UBASH3B: variants seen among roughly 807,000 people sequenced by gnomAD.
UBASH3B encodes ubiquitin associated and SH3 domain containing B, also known as ubiquitin-associated and SH3 domain-containing protein B.
In UBASH3B, 37 loss-of-function variants were observed where a neutral mutation model predicts 83.4. The observed-to-expected ratio is 0.44, with a 90% CI of 0.34 to 0.58. The LOEUF is 0.58. Among genes scored for constraint, UBASH3B ranks in the 20% least tolerant of loss-of-function variants. The probability of loss-of-function intolerance (pLI) is 0.01; values close to 1 mark genes in which losing one functional copy is unlikely to be tolerated. For synonymous variants in UBASH3B, 304 were observed against 318.3 expected (o/e 0.96, Z 0.48); for missense variants, 657 against 827.2 (o/e 0.79, Z 2.52).
intron 1 of UBASH3B, among the ~76,000 whole-genome samples, chr11:122,666,968 A>G (rs886444682): frequency 6.6e-6 from 1 of 151,600 alleles, no homozygotes; most frequent in African/African-American, 2.4e-5. Flanking sequence ...ATCACCTATG[A>G]AGATGCACAG....
chr11:122,699,097 G>A (rs1001318468), intron 1 of UBASH3B, among the ~76,000 whole-genome samples: 3 of 152,206 alleles, frequency 2.0e-5, no homozygotes, highest in Non-Finnish European at 4.4e-5. Flanking sequence ...TGATCCACCT[G>A]CCTTGGCCTC....
At chr11:122,795,868 G>C (rs1276831810) in intron 7 of UBASH3B, among the ~76,000 whole-genome samples, 1 of 152,180 alleles carries the variant, frequency 6.6e-6, no homozygotes, top group Non-Finnish European at 1.5e-5. Flanking sequence ...TAAAGTGGAC[G>C]TCATATTTTA....
intron 1 of UBASH3B, among the ~76,000 whole-genome samples, chr11:122,753,826 A>G (rs1051806752): frequency 6.6e-6 from 1 of 152,118 alleles, no homozygotes; most frequent in South Asian, 2.1e-4. Flanking sequence ...AACCTGCTGC[A>G]TAATTTTGAA....
rs555184676 is a variant in UBASH3B at position 122,706,739 on chromosome 11, T to C, written c.161+50529T>C. ...GGAGTACCAAGAAGAAACATATATG[T>C]ACGCAATCACATACTGAAAAGGGAA... On this transcript the variant is annotated intron_variant, in intron 1 of 13. Coordinates refer to ENST00000284273, the MANE Select transcript of UBASH3B (RefSeq NM_032873.5). Among the ~76,000 whole-genome samples, 5 of 152,322 alleles carry C rather than the reference T, an allele frequency of 3.3e-5. No individual in the cohort carries two copies. In the South Asian group the frequency reaches 1.0e-3, roughly 32 times the overall value.
chr11:122,731,280 A>G (rs1860839751), intron 1 of UBASH3B, among the ~76,000 whole-genome samples: 1 of 152,138 alleles, frequency 6.6e-6, no homozygotes, highest in Non-Finnish European at 1.5e-5. Context: ...TCACAATCTC[A>G]TGGATGGAAG....
intron 1 of UBASH3B, among the ~76,000 whole-genome samples, chr11:122,688,423 C>T (rs1277263869): frequency 2.0e-5 from 3 of 148,910 alleles, no homozygotes; most frequent in Non-Finnish European, 4.4e-5. Flanking sequence ...GCCACCACAC[C>T]GCTAATTTTG....
At chr11:122,724,061 C>T (rs957076246) in intron 1 of UBASH3B, among the ~76,000 whole-genome samples, 4 of 152,180 alleles carry the variant, frequency 2.6e-5, no homozygotes, top group Non-Finnish European at 5.9e-5. Context: ...GAAATTGGAA[C>T]CTGGAGGACC....
At chr11:122,696,988 G>A (rs1432131612) in intron 1 of UBASH3B, among the ~76,000 whole-genome samples, 1 of 152,142 alleles carries the variant, frequency 6.6e-6, no homozygotes, top group Non-Finnish European at 1.5e-5. Flanking sequence ...ACCAGGAGTT[G>A]GTGACTCCAG....
chr11:122,717,133 CT>C (rs1430835726), intron 1 of UBASH3B, among the ~76,000 whole-genome samples: 2 of 152,196 alleles, frequency 1.3e-5, no homozygotes, highest in African/African-American at 4.8e-5. Flanking sequence ...ACAGAGATCC[CT>C]GTCCTCTCGC....
chr11:122,723,346 T>C (rs1298049734), intron 1 of UBASH3B, among the ~76,000 whole-genome samples: 1 of 152,230 alleles, frequency 6.6e-6, no homozygotes, highest in African/African-American at 2.4e-5. Context: ...CCTAAGTCCT[T>C]AAGTTAGTGA....
chr11:122,741,298 T>G (rs559774595), intron 1 of UBASH3B, among the ~76,000 whole-genome samples: 1 of 152,220 alleles, frequency 6.6e-6, no homozygotes, highest in Non-Finnish European at 1.5e-5. Flanking sequence ...AAATTTTCAA[T>G]TGGATCTTAA....
chr11:122,658,083 A>G (rs1421852303), intron 1 of UBASH3B, among the ~76,000 whole-genome samples: 1 of 151,558 alleles, frequency 6.6e-6, no homozygotes, highest in Non-Finnish European at 1.5e-5. Flanking sequence ...GGCTGAGATA[A>G]GAGAATCGCT....
In UBASH3B at chr11:122,809,858, A is replaced by G; in HGVS notation, c.1922A>G (p.Asn641Ser). ...ACCCATGGACCAACTGGGGGCTTCA[A>G]CTGGAGAGAGACCTTGCTTCAAGAA... Reference protein sequence around the residue: ...PLTHGPTGGFNWRETLLQE With the variant: ...PLTHGPTGGFSWRETLLQE Residue 641 changes from asparagine to serine, a missense_variant, in exon 14 of 14, where the codon AAC (asparagine) becomes AGC (serine). Around this residue, in one of 3 missense-constraint regions of UBASH3B, gnomAD observed 573 missense variants for 739.0 expected, o/e 0.78. Transcript: ENST00000284273. 6.2e-7 allele frequency: 1 copy of G among 1,614,186 alleles called. No homozygotes were observed. Among genetic ancestry groups the G allele is most frequent in the Non-Finnish European group, 8.5e-7 (1 of 1,180,026 alleles).
At chr11:122,656,266 T>G (rs2135884912) in intron 1 of UBASH3B, 56 bp downstream of exon 1, 1 of 1,314,334 alleles carries the variant, frequency 7.6e-7, no homozygotes, top group East Asian at 3.1e-5. Flanking sequence ...CGGCCGGCCC[T>G]CGGCTTCGCT....
At chr11:122,678,403 G>C (rs564449068) in intron 1 of UBASH3B, among the ~76,000 whole-genome samples, 32 of 152,154 alleles carry the variant, frequency 2.1e-4, no homozygotes, top group African/African-American at 7.7e-4. Flanking sequence ...CTGTCTGGCT[G>C]ACCCATGTTC....
At chr11:122,772,143 G>C (rs375640731) in intron 1 of UBASH3B, among the ~76,000 whole-genome samples, 2 of 152,158 alleles carry the variant, frequency 1.3e-5, no homozygotes, top group Non-Finnish European at 2.9e-5. Flanking sequence ...CTGCTGTGGC[G>C]TTCTGACCTA....
chr11:122,770,894 C>G (rs2135131069), intron 1 of UBASH3B, among the ~76,000 whole-genome samples: 1 of 152,334 alleles, frequency 6.6e-6, no homozygotes, highest in South Asian at 2.1e-4. Context: ...TTGTCAAGGC[C>G]TTCTAGCCTC....
chr11:122,767,827 G>A (rs1329385587), intron 1 of UBASH3B, among the ~76,000 whole-genome samples: 1 of 152,190 alleles, frequency 6.6e-6, no homozygotes, highest in Non-Finnish European at 1.5e-5. Context: ...GACAGGCAGG[G>A]TGGGCAAGAA....
At chr11:122,675,624 A>T (rs1863657405) in intron 1 of UBASH3B, among the ~76,000 whole-genome samples, 2 of 152,198 alleles carry the variant, frequency 1.3e-5, no homozygotes, top group African/African-American at 2.4e-5. Context: ...CCATCTGTGC[A>T]ATTTAGTTCT....
Sources: gnomAD v4.1 joint callset for allele counts (sites outside exome capture counted in the v4.1 genomes callset) on GRCh38, gnomAD v4.1.1 for gene constraint, gnomAD v4.1.1 regional missense constraint, MANE v1.5 for transcripts, NCBI Gene and HGNC (gene_info 2026-07-23, HGNC 2026-07-21) for gene names.